TSPAN1: variants seen among roughly 807,000 people sequenced by gnomAD.
The protein encoded by TSPAN1 is tetraspanin 1.
TSPAN1 carries 23 observed loss-of-function variants against 26.9 expected under a neutral mutation model. The observed-to-expected ratio is 0.85, with a 90% CI of 0.62 to 1.21. TSPAN1 has a LOEUF of 1.21. Among genes scored for constraint, TSPAN1 ranks in the 50% most tolerant of loss-of-function variants. The pLI is 0.00. For missense variants in TSPAN1, 283 were observed against 298.4 expected, an observed-to-expected ratio of 0.95 and a Z score of 0.38; for synonymous variants, 115 against 114.8, an observed-to-expected ratio of 1.00 and a Z score of -0.01.
Position 46,180,291 on chromosome 1 carries a change from G to A in TSPAN1, c.-141-235G>A, listed in dbSNP as rs2234261. ...AAGCACATTACACTGTTGTGGTGGA[G>A]GGCACGCAGACATTCTGGGAAGCCA... On this transcript the variant is annotated intron_variant, in intron 1 of 8. Transcript: ENST00000372003. Among the ~76,000 whole-genome samples, 732 of 152,316 alleles carry A rather than the reference G, an allele frequency of 4.8e-3. 9 individuals carry two copies. Among genetic ancestry groups the A allele is most frequent in the African/African-American group, 0.017 (686 of 41,556 alleles).
chr1:46,180,852 AG>A, intron 2 of TSPAN1, among the ~76,000 whole-genome samples, 194 bp downstream of exon 2: 1 of 152,118 alleles, frequency 6.6e-6, no homozygotes, highest in Non-Finnish European at 1.5e-5. Flanking sequence ...GTGCAGGTGG[AG>A]GAACCTGGGG....
the TSPAN1 span, chr1:46,194,660 A>G: frequency 6.2e-7 from 1 of 1,614,090 alleles, no homozygotes; most frequent in Non-Finnish European, 8.5e-7. Flanking sequence ...ACCTGGCAGG[A>G]GGCAGGAATG....
the TSPAN1 span, chr1:46,195,892 C>T: frequency 1.4e-4 from 222 of 1,613,654 alleles, 1 homozygote; most frequent in African/African-American, 1.5e-3. Flanking sequence ...GAGGTGAGTA[C>T]GTGTCAAACA....
At position 46,184,711 on chromosome 1, in the gene TSPAN1, C is replaced by T. The variant is rs569552283; in HGVS notation, c.339+43C>T. 98 of 1,613,726 alleles carry T rather than the reference C, an allele frequency of 6.1e-5. No individual in the cohort carries two copies. In the South Asian group the frequency reaches 9.6e-4, roughly 16 times the overall value. On this transcript the variant is annotated intron_variant, in intron 5 of 8. Coordinates refer to ENST00000372003, the MANE Select transcript of TSPAN1 (RefSeq NM_005727.4). Reference sequence around the variant, plus strand: ...AGGAAGGGAAGAAGATTGGGCAAAACCCTGGGAGTGGGCTGTGGCCTGTGA... The same window carrying T: ...AGGAAGGGAAGAAGATTGGGCAAAATCCTGGGAGTGGGCTGTGGCCTGTGA...
chr1:46,191,373 G>A, the TSPAN1 span: 5 of 189,564 alleles, frequency 2.6e-5, no homozygotes, highest in Non-Finnish European at 3.3e-5. Flanking sequence ...GTGGGTTGGC[G>A]GTACCTAAGG....
the TSPAN1 span, chr1:46,195,007 G>C: frequency 6.3e-7 from 1 of 1,583,210 alleles, no homozygotes; most frequent in Non-Finnish European, 8.7e-7. Context: ...ATGGTTCCAG[G>C]AGACCTGGCC....
the TSPAN1 span, chr1:46,192,593 G>C: frequency 6.2e-7 from 1 of 1,613,934 alleles, no homozygotes; most frequent in Non-Finnish European, 8.5e-7. Context: ...TCAGGAAACT[G>C]AGAGAGGCAG....
intron 4 of TSPAN1, 93 bp downstream of exon 4, chr1:46,184,490 C>G (rs1326500863): frequency 1.2e-6 from 2 of 1,607,068 alleles, no homozygotes; most frequent in Non-Finnish European, 1.7e-6. Flanking sequence ...TTTGGACCCC[C>G]CTAGGCTCAG....
At position 46,184,565 on chromosome 1, in the gene TSPAN1, TA is replaced by T. The variant is rs1345609669; in HGVS notation, c.265-25del. The stretch of plus-strand genomic sequence containing the variant: ...GAGGGCATGAGGGACTGTCTCTCCC[TA>T]AAACCCAGACCCCTGTTCCCCACTC... On this transcript the variant is annotated intron_variant, in intron 4 of 8. Coordinates refer to ENST00000372003, the MANE Select transcript of TSPAN1 (RefSeq NM_005727.4). The T allele has an allele frequency of 6.8e-6, 11 of 1,612,892 alleles. No individual in the cohort carries two copies. The South Asian group carries it at 8.8e-5, about 13-fold the overall frequency.
chr1:46,194,157 C>T, the TSPAN1 span: 1 of 1,588,416 alleles, frequency 6.3e-7, no homozygotes, highest in Non-Finnish European at 8.6e-7. Context: ...CAGTGTAAAT[C>T]CTGCCCCTGG....
chr1:46,176,227 C>A, intron 1 of TSPAN1: 8 of 1,535,394 alleles, frequency 5.2e-6, no homozygotes, highest in African/African-American at 1.4e-5. Context: ...CCCTGGCTAA[C>A]CTTGAGGTGG....
rs575979837 is a variant in TSPAN1, at chr1:46,184,301, G to C, written c.168G>C (p.Val56=). The C allele has an allele frequency of 1.2e-6, 2 of 1,614,158 alleles. No homozygotes were observed. The highest frequency in any genetic ancestry group is 4.5e-5 in the East Asian group (2 of 44,882). ...LSSSAMQFVN[V]GYFLIAAGVV... is the part of the protein sequence containing the mutation. ...CCAGTGCCATGCAGTTTGTCAACGTGGGCTACTTCCTCATCGCAGCCGGCG... is the reference window on the plus strand; with the variant it reads ...CCAGTGCCATGCAGTTTGTCAACGTCGGCTACTTCCTCATCGCAGCCGGCG... The change falls in exon 4 of 9, where the codon GTG becomes GTC. Residue 56 remains valine (V), a synonymous_variant. Coordinates refer to ENST00000372003, the MANE Select transcript of TSPAN1 (RefSeq NM_005727.4).
chr1:46,189,001 AAGGGCAGGATG>A, downstream of TSPAN1: 1 of 1,601,478 alleles, frequency 6.2e-7, no homozygotes. Context: ...AGGGTATTCA[AAGGGCAGGATG>A]AGCTGCTAGG....
chr1:46,195,558 A>G, the TSPAN1 span: 2 of 541,616 alleles, frequency 3.7e-6, no homozygotes, highest in South Asian at 3.8e-5. Flanking sequence ...CTGCTGGAAT[A>G]TAAGCTCCAT....
chr1:46,194,893 G>GA, the TSPAN1 span: 2 of 1,614,008 alleles, frequency 1.2e-6, no homozygotes, highest in African/African-American at 2.7e-5. Context: ...CCAGGGCAGG[G>GA]CCAGCCTGGC....
the TSPAN1 span, chr1:46,195,059 G>T: frequency 9.7e-7 from 1 of 1,033,222 alleles, no homozygotes; most frequent in Non-Finnish European, 1.5e-6. Flanking sequence ...ACTTAAAATA[G>T]CTCATTACAT....
the TSPAN1 span, chr1:46,193,428 T>C: frequency 1.2e-6 from 2 of 1,606,204 alleles, no homozygotes; most frequent in East Asian, 4.5e-5. Flanking sequence ...GAGGTCACTT[T>C]CCCTCTGCCC....
At chr1:46,186,240 G>A (rs2148149607), downstream of TSPAN1, among the ~76,000 whole-genome samples, 1 of 152,206 alleles carries the variant, frequency 6.6e-6, no homozygotes, top group African/African-American at 2.4e-5. Flanking sequence ...TAGGGGCACT[G>A]GACTGGAAAG....
chr1:46,188,920 G>A, downstream of TSPAN1: 2 of 1,612,828 alleles, frequency 1.2e-6, no homozygotes, highest in Non-Finnish European at 1.7e-6. Context: ...GGCCCTCCAG[G>A]TTCGGCCTGT....
Sources: allele counts gnomAD v4.1 joint callset (sites outside exome capture counted in the v4.1 genomes callset), GRCh38; gene constraint gnomAD v4.1.1; transcripts MANE v1.5; gene names NCBI Gene and HGNC (gene_info 2026-07-23, HGNC 2026-07-21).